TMX3: variants seen among roughly 807,000 people sequenced by gnomAD.
TMX3 encodes the protein protein disulfide-isomerase TMX3.
A neutral mutation model predicts 64.4 loss-of-function variants in TMX3; 40 were observed. The ratio of observed to expected loss-of-function variants is 0.62; its 90% CI spans 0.48 to 0.81. TMX3 has a LOEUF of 0.81. TMX3 is among the 30% of genes least tolerant of loss of function. The pLI is 0.00. For synonymous variants in TMX3, 189 were observed against 175.7 expected (o/e 1.08, Z -0.60); for missense variants, 497 against 534.5 (o/e 0.93, Z 0.69).
intron 10 of TMX3, chr18:68,686,877 C>G (rs774195567): frequency 1.3e-5 from 13 of 985,092 alleles, no homozygotes; most frequent in Non-Finnish European, 1.6e-5. Flanking sequence ...TCCCCCAAAA[C>G]GTTACAAACA....
At chr18:68,714,306 CAAAT>C (rs1042580737) in intron 1 of TMX3, 4 of 156,218 alleles carry the variant, frequency 2.6e-5, no homozygotes, top group African/African-American at 9.6e-5. Context: ...TATTTCCCCT[CAAAT>C]AGATACGTAG....
intron 6 of TMX3, among the ~76,000 whole-genome samples, chr18:68,700,136 T>C (rs1915521295): frequency 6.6e-6 from 1 of 152,010 alleles, no homozygotes; most frequent in African/African-American, 2.4e-5. Flanking sequence ...ATCTGGAAAA[T>C]GTATTAAAAA....
At chr18:68,710,824 T>C (rs981590726) in intron 3 of TMX3, among the ~76,000 whole-genome samples, 2 of 152,244 alleles carry the variant, frequency 1.3e-5, no homozygotes, top group African/African-American at 4.8e-5. Context: ...AATTAAACAG[T>C]GATCTGTCAA....
At chr18:68,708,037 A>G (rs149947507) in intron 4 of TMX3, among the ~76,000 whole-genome samples, 1,418 of 127,134 alleles carry the variant, frequency 0.011, 25 homozygotes, top group African/African-American at 0.058. Flanking sequence ...GTATATGTGT[A>G]TATATGTGTA....
intron 5 of TMX3, chr18:68,701,172 T>C (rs960187568): frequency 3.6e-5 from 9 of 250,436 alleles, no homozygotes; most frequent in African/African-American, 7.0e-5. Context: ...AAACCCAATA[T>C]ATAAATTGAA....
In TMX3 at chr18:68,684,192, A is replaced by G. The variant is rs1913720137; in HGVS notation, c.846T>C (p.His282=). Residue 282 remains histidine (H), a splice_region_variant and synonymous_variant, in exon 12 of 16, where the codon CAT becomes CAC. Coordinates refer to ENST00000299608, the MANE Select transcript of TMX3 (RefSeq NM_019022.5). The part of the protein sequence containing the change: ...EVARDYRDLF[H]RDFQFGHMDG... The stretch of plus-strand genomic sequence containing the variant: ...TCTCTCAGAATATAAGCACCTACCT[A>G]TGGAAGAGGTCTCTGTAATCTCTTG... The G allele has an allele frequency of 1.9e-6, 3 of 1,607,646 alleles. No homozygotes were observed. The highest frequency in any genetic ancestry group is 1.7e-5 in the Admixed American group (1 of 59,412).
intron 15 of TMX3, among the ~76,000 whole-genome samples, chr18:68,677,739 G>C (rs1042551087): frequency 2.6e-5 from 4 of 152,052 alleles, no homozygotes; most frequent in African/African-American, 9.7e-5. Flanking sequence ...TAATGAATAG[G>C]GTTTTCAACT....
chr18:68,694,213 G>A (rs1331468293), intron 8 of TMX3, among the ~76,000 whole-genome samples: 2 of 152,308 alleles, frequency 1.3e-5, no homozygotes, highest in East Asian at 3.9e-4. Context: ...AAGGAGAGAA[G>A]AGCTGTAACC....
intron 6 of TMX3, among the ~76,000 whole-genome samples, chr18:68,699,840 TCGGTAACTTGAA>T (rs1915494115): frequency 6.6e-6 from 1 of 152,184 alleles, no homozygotes; most frequent in Non-Finnish European, 1.5e-5. Flanking sequence ...ACCTTAGGGA[TCGGTAACTTGAA>T]CAGATCCTTT....
At chr18:68,683,102 G>A (rs1913605702) in intron 12 of TMX3, 121 bp from the exon 13 acceptor site, 5 of 815,226 alleles carry the variant, frequency 6.1e-6, no homozygotes, top group Non-Finnish European at 9.9e-6. Context: ...TCAGGCCTCA[G>A]TAGGCCCAGA....
intron 12 of TMX3, among the ~76,000 whole-genome samples, chr18:68,683,333 T>G (rs374780989): frequency 2.0e-5 from 3 of 152,126 alleles, no homozygotes; most frequent in East Asian, 1.9e-4. Context: ...CAGAAGACGC[T>G]ACATACTATG....
intron 5 of TMX3, 174 bp downstream of exon 5, chr18:68,701,571 C>G: frequency 6.9e-7 from 1 of 1,445,654 alleles, no homozygotes; most frequent in Non-Finnish European, 9.3e-7. Context: ...TGCTTAAATA[C>G]GAAGAAAAGC....
chr18:68,684,148 T>C, intron 12 of TMX3, 42 bp downstream of exon 12: 1 of 1,457,996 alleles, frequency 6.9e-7, no homozygotes. Context: ...CAAAATGGTA[T>C]TAAACAAAAA....
chr18:68,703,386 C>T (rs750203863), intron 4 of TMX3, among the ~76,000 whole-genome samples: 2 of 152,096 alleles, frequency 1.3e-5, no homozygotes, highest in Non-Finnish European at 2.9e-5. Flanking sequence ...AAAGAAAATA[C>T]AGTATGCAAT....
intron 1 of TMX3, 42 bp from the exon 2 acceptor site, chr18:68,713,942 T>C: frequency 2.1e-6 from 3 of 1,414,898 alleles, no homozygotes; most frequent in East Asian, 4.6e-5. Flanking sequence ...ATGCTGATTA[T>C]TTGGCTCATA....
intron 15 of TMX3, among the ~76,000 whole-genome samples, chr18:68,677,917 TGAGCACCAGGCAATTTGCACTAG>T: frequency 6.6e-6 from 1 of 152,120 alleles, no homozygotes; most frequent in Non-Finnish European, 1.5e-5. Context: ...ATGGGACAAG[TGAGCACCAGGCAATTTGCACTAG>T]CAAAAGCTAA....
chr18:68,678,423 G>T (rs902929455), intron 15 of TMX3, among the ~76,000 whole-genome samples: 1 of 152,040 alleles, frequency 6.6e-6, no homozygotes, highest in Non-Finnish European at 1.5e-5. Flanking sequence ...TCGTAAGAGT[G>T]TCAAGCGAGA....
At chr18:68,687,571 A>G in intron 10 of TMX3, 96 bp downstream of exon 10, 1 of 1,518,510 alleles carries the variant, frequency 6.6e-7, no homozygotes, top group South Asian at 1.3e-5. Context: ...TTAAGTTGAG[A>G]AATAGAGCTT....
At position 68,684,200 on chromosome 18, in the gene TMX3, GGT is replaced by G. The variant is rs1913721183; in HGVS notation, c.836_837del (p.Asp279AlafsTer4). ...IIQEVARDYR[D>X]LFHRDFQFGH... is the part of the protein sequence containing the mutation. The stretch of plus-strand genomic sequence containing the variant: ...AATATAAGCACCTACCTATGGAAGA[GGT>G]CTCTGTAATCTCTTGCAACTTCCTG... On this transcript the variant is annotated frameshift_variant, in exon 12 of 16. Coordinates refer to ENST00000299608, the MANE Select transcript of TMX3 (RefSeq NM_019022.5). LOFTEE classifies it high-confidence loss of function. The G allele has an allele frequency of 6.2e-7, 1 of 1,610,340 alleles. No homozygotes were observed. The highest frequency in any genetic ancestry group is 8.5e-7 in the Non-Finnish European group (1 of 1,177,616).
Sources: allele counts gnomAD v4.1 joint callset (sites outside exome capture counted in the v4.1 genomes callset), GRCh38; gene constraint gnomAD v4.1.1; transcripts MANE v1.5; gene names NCBI Gene and HGNC (gene_info 2026-07-23, HGNC 2026-07-21).